The following KHDRBS2 variants were observed in gnomAD, a reference collection of about 807,000 sequenced individuals.
KHDRBS2 encodes KH RNA binding domain containing, signal transduction associated 2, also known as KH domain-containing, RNA-binding, signal transduction-associated protein 2.
Under a neutral mutation model 44.3 loss-of-function variants are expected in KHDRBS2, and 26 were observed. The observed-to-expected ratio is 0.59, with a 90% CI of 0.43 to 0.81. KHDRBS2 has a LOEUF of 0.81. Among genes scored for constraint, KHDRBS2 ranks in the 40% least tolerant of loss-of-function variants. The pLI, the probability that KHDRBS2 is intolerant of heterozygous loss-of-function variation, is 0.00. For missense variants in KHDRBS2, 476 were observed against 433.1 expected (o/e 1.10, Z -0.88); for synonymous variants, 194 against 151.1 (o/e 1.28, Z -2.08).
chr6:61,769,156 T>C (rs1011111676), intron 6 of KHDRBS2, among the ~76,000 whole-genome samples: 11 of 152,180 alleles, frequency 7.2e-5, no homozygotes, highest in Non-Finnish European at 1.5e-4. Context: ...AAAATATTTA[T>C]GATTAAAAAA....
intron 1 of KHDRBS2, among the ~76,000 whole-genome samples, chr6:62,267,710 T>C (rs185172984): frequency 4.8e-4 from 73 of 152,150 alleles, no homozygotes; most frequent in Middle Eastern, 3.4e-3. Context: ...AGAGATTTTA[T>C]TCTCTCCTAT....
intron 8 of KHDRBS2, among the ~76,000 whole-genome samples, chr6:61,693,432 A>T (rs1268556280): frequency 6.6e-6 from 1 of 152,160 alleles, no homozygotes; most frequent in Non-Finnish European, 1.5e-5. Context: ...TTGCCTGCAT[A>T]GGATATGAGA....
the KHDRBS2 span, among the ~76,000 whole-genome samples, chr6:61,598,802 T>C: frequency 1.3e-5 from 2 of 149,694 alleles, no homozygotes; most frequent in Non-Finnish European, 3.0e-5. Flanking sequence ...AATTCTAAAC[T>C]CTAGAATAAA....
intron 2 of KHDRBS2, among the ~76,000 whole-genome samples, chr6:62,062,651 C>A (rs1045130562): frequency 6.7e-6 from 1 of 148,710 alleles, no homozygotes; most frequent in Non-Finnish European, 1.5e-5. Flanking sequence ...AAATTTACAG[C>A]ACTAAATGCC....
At chr6:61,710,094 C>T (rs1469750149) in intron 7 of KHDRBS2, among the ~76,000 whole-genome samples, 1 of 151,570 alleles carries the variant, frequency 6.6e-6, no homozygotes, top group Non-Finnish European at 1.5e-5. Flanking sequence ...AGGTTATTTT[C>T]ATGCATCAGA....
intron 3 of KHDRBS2, among the ~76,000 whole-genome samples, chr6:62,010,719 C>A (rs1349020163): frequency 6.6e-6 from 1 of 152,100 alleles, no homozygotes; most frequent in Admixed American, 6.6e-5. Flanking sequence ...CTGCTGCCAT[C>A]CACATAAGAT....
At chr6:62,193,162 T>G (rs1185464293) in intron 1 of KHDRBS2, among the ~76,000 whole-genome samples, 1 of 152,098 alleles carries the variant, frequency 6.6e-6, no homozygotes, top group Non-Finnish European at 1.5e-5. Flanking sequence ...TCTCTATATG[T>G]ATAGATATAC....
the KHDRBS2 span, among the ~76,000 whole-genome samples, chr6:61,562,328 C>T: frequency 7.2e-5 from 11 of 152,026 alleles, no homozygotes; most frequent in Non-Finnish European, 1.3e-4. Flanking sequence ...CCAAGAGTTT[C>T]CAAGGGAATA....
chr6:61,558,364 C>T, the KHDRBS2 span, among the ~76,000 whole-genome samples: 1 of 152,048 alleles, frequency 6.6e-6, no homozygotes, highest in Non-Finnish European at 1.5e-5. Flanking sequence ...GAGCTTGATA[C>T]CAGCCTGAGC....
At chr6:61,831,208 G>A (rs1034502773) in intron 6 of KHDRBS2, among the ~76,000 whole-genome samples, 1 of 152,036 alleles carries the variant, frequency 6.6e-6, no homozygotes, top group Non-Finnish European at 1.5e-5. Flanking sequence ...GGAACTCAGA[G>A]CTTTAAAGGA....
the KHDRBS2 span, among the ~76,000 whole-genome samples, chr6:61,621,216 T>C: frequency 3.3e-5 from 5 of 152,262 alleles, no homozygotes; most frequent in Admixed American, 3.3e-4. Context: ...ACTGATAACC[T>C]AGAAAACCAT....
At chr6:61,555,289 G>T in the KHDRBS2 span, among the ~76,000 whole-genome samples, 1 of 152,020 alleles carries the variant, frequency 6.6e-6, no homozygotes, top group Non-Finnish European at 1.5e-5. Flanking sequence ...CCTCAGCTTG[G>T]TCAATTCTGC....
At chr6:61,682,374 T>G (rs1357143855) in intron 8 of KHDRBS2, among the ~76,000 whole-genome samples, 3 of 151,866 alleles carry the variant, frequency 2.0e-5, no homozygotes, top group Admixed American at 6.6e-5. Context: ...TATATCTCTT[T>G]CACTGTTTAG....
At chr6:61,788,238 C>A (rs1784114697) in intron 6 of KHDRBS2, among the ~76,000 whole-genome samples, 1 of 151,380 alleles carries the variant, frequency 6.6e-6, no homozygotes, top group Admixed American at 6.6e-5. Flanking sequence ...AGACTTTGGC[C>A]TATTTCCATG....
chr6:61,746,857 C>G (rs1360480536), intron 6 of KHDRBS2, among the ~76,000 whole-genome samples: 2 of 151,932 alleles, frequency 1.3e-5, no homozygotes, highest in Non-Finnish European at 2.9e-5. Flanking sequence ...GCAATGGCAA[C>G]AAAATCCAAA....
chr6:62,118,652 C>T (rs1368047641), intron 2 of KHDRBS2, among the ~76,000 whole-genome samples: 1 of 152,050 alleles, frequency 6.6e-6, no homozygotes, highest in African/African-American at 2.4e-5. Flanking sequence ...TGGGTGGGCA[C>T]CATCTAATCA....
intron 6 of KHDRBS2, among the ~76,000 whole-genome samples, chr6:61,837,624 G>T (rs977564696): frequency 2.0e-5 from 3 of 151,996 alleles, no homozygotes; most frequent in Non-Finnish European, 2.9e-5. Flanking sequence ...GGCAAAAGTA[G>T]CACCTGACTC....
the KHDRBS2 span, among the ~76,000 whole-genome samples, chr6:61,601,614 A>G: frequency 1.3e-5 from 2 of 151,934 alleles, no homozygotes; most frequent in African/African-American, 2.4e-5. Context: ...TCTGTTCCCA[A>G]TGCAACTCAT....
At chr6:62,075,262 C>A (rs1307452430) in intron 2 of KHDRBS2, among the ~76,000 whole-genome samples, 1 of 151,762 alleles carries the variant, frequency 6.6e-6, no homozygotes, top group African/African-American at 2.4e-5. Flanking sequence ...ATAAAAGAGG[C>A]CTGAGGAAGC....
Sources: gnomAD v4.1 joint callset for allele counts (sites outside exome capture counted in the v4.1 genomes callset) on GRCh38, gnomAD v4.1.1 for gene constraint, MANE v1.5 for transcripts, NCBI Gene and HGNC (gene_info 2026-07-23, HGNC 2026-07-21) for gene names.